DIAPH2: variants seen among roughly 807,000 people sequenced by gnomAD.
DIAPH2 encodes diaphanous related formin 2.
In DIAPH2, 35 loss-of-function variants were observed where a neutral mutation model predicts 92.7. The observed-to-expected ratio is 0.38, with a 90% CI of 0.29 to 0.50. DIAPH2 has a LOEUF of 0.50. DIAPH2 is among the 20% of genes least tolerant of loss of function. DIAPH2 has a pLI of 0.94. For missense variants in DIAPH2, 701 were observed against 819.5 expected, an observed-to-expected ratio of 0.86 and a Z score of 1.77; for synonymous variants, 301 against 280.4, an observed-to-expected ratio of 1.07 and a Z score of -0.73.
intron 1 of DIAPH2, among the ~76,000 whole-genome samples, chrX:96,690,143 A>G (rs778479965): frequency 1.8e-5 from 2 of 111,200 alleles, no homozygotes; most frequent in East Asian, 5.7e-4. Context: ...GTCAGAGCCT[A>G]AACTTCCAAG....
chrX:97,494,008 G>T (rs2070741632), intron 26 of DIAPH2, among the ~76,000 whole-genome samples: 1 of 109,152 alleles, frequency 9.2e-6, no homozygotes, highest in Non-Finnish European at 1.9e-5. Context: ...CTTGAGGTCA[G>T]GAGTTTGAGA....
intron 22 of DIAPH2, among the ~76,000 whole-genome samples, chrX:97,170,600 A>G (rs2067445102): frequency 9.0e-6 from 1 of 111,565 alleles, no homozygotes; most frequent in African/African-American, 3.3e-5. Context: ...TGGTAATAAG[A>G]AGTATTTTCT....
rs2069255305 is a variant in DIAPH2 at position 97,355,316 on chromosome X, A to ATT, written c.3009+7040_3009+7041dup. Among the ~76,000 whole-genome samples the ATT allele has an allele frequency of 2.7e-5, 3 of 110,500 alleles. No homozygotes were observed. The South Asian group carries it at 1.2e-3, about 44-fold the overall frequency. ...TTTACCTTTAAAGAAATGAGGGTGAATTTTTACATGAAAGGATTGTGTATA... is the reference window on the plus strand; with the variant it reads ...TTTACCTTTAAAGAAATGAGGGTGAATTTTTTTACATGAAAGGATTGTGTATA... On this transcript the variant is annotated intron_variant, in intron 24 of 26. Transcript: ENST00000324765.
intron 5 of DIAPH2, among the ~76,000 whole-genome samples, chrX:96,882,466 C>A (rs1320921835): frequency 1.8e-5 from 2 of 110,898 alleles, no homozygotes; most frequent in Non-Finnish European, 3.8e-5. Context: ...ATTATTTTAA[C>A]CAGTAAAAGA....
chrX:96,715,054 A>G (rs922377950), intron 1 of DIAPH2, among the ~76,000 whole-genome samples: 1 of 112,334 alleles, frequency 8.9e-6, no homozygotes, highest in Non-Finnish European at 1.9e-5. Context: ...AAAAATTGTT[A>G]TTATTAAGCA....
At chrX:97,185,456 T>C (rs867960409) in intron 22 of DIAPH2, among the ~76,000 whole-genome samples, 2 of 37,824 alleles carry the variant, frequency 5.3e-5, no homozygotes, top group African/African-American at 4.4e-4. Context: ...TATGTGTGTG[T>C]ATATATATAT....
intron 4 of DIAPH2, among the ~76,000 whole-genome samples, chrX:96,837,427 CTCTCTCTG>C (rs1167360179): frequency 1.4e-3 from 58 of 40,029 alleles, no homozygotes; most frequent in African/African-American, 2.0e-3. Flanking sequence ...CTCTCTCTCT[CTCTCTCTG>C]TGTGTGTGTG....
chrX:96,776,059 G>C (rs981492115), intron 4 of DIAPH2, among the ~76,000 whole-genome samples: 3 of 111,411 alleles, frequency 2.7e-5, no homozygotes, highest in African/African-American at 9.8e-5. Context: ...GTCTTCTAAG[G>C]TAGCCCCTAG....
intron 17 of DIAPH2, among the ~76,000 whole-genome samples, chrX:97,009,282 C>T (rs897348977): frequency 8.1e-5 from 9 of 111,236 alleles, no homozygotes; most frequent in African/African-American, 2.6e-4. Context: ...AGGCAGCTTG[C>T]GGTGAATGCC....
intron 23 of DIAPH2, among the ~76,000 whole-genome samples, chrX:97,278,629 A>G (rs182239229): frequency 8.0e-5 from 9 of 112,127 alleles, no homozygotes; most frequent in Non-Finnish European, 1.3e-4. Context: ...AGGCTCTTCC[A>G]TGTCATTTTG....
chrX:97,402,612 A>C (rs757796359), intron 25 of DIAPH2, among the ~76,000 whole-genome samples: 37 of 111,750 alleles, frequency 3.3e-4, no homozygotes, highest in Non-Finnish European at 7.0e-4. Context: ...ATCTGAAGCT[A>C]CTATTTCAAT....
chrX:96,897,574 T>C, intron 5 of DIAPH2, among the ~76,000 whole-genome samples: 1 of 110,831 alleles, frequency 9.0e-6, no homozygotes, highest in Non-Finnish European at 1.9e-5. Context: ...AATCAAAAAG[T>C]AAAACCCAGT....
At chrX:97,475,902 G>A (rs1179556306) in intron 26 of DIAPH2, among the ~76,000 whole-genome samples, 1 of 112,074 alleles carries the variant, frequency 8.9e-6, no homozygotes, top group African/African-American at 3.2e-5. Flanking sequence ...TAAACCTGAA[G>A]TGAACAACAT....
At chrX:96,803,812 G>A (rs1367093871) in intron 4 of DIAPH2, among the ~76,000 whole-genome samples, 2 of 111,813 alleles carry the variant, frequency 1.8e-5, no homozygotes, top group African/African-American at 6.5e-5. Context: ...GGCTGAGGCG[G>A]GCAGATCACA....
chrX:97,140,327 G>T (rs2067201563), intron 21 of DIAPH2, among the ~76,000 whole-genome samples: 1 of 111,570 alleles, frequency 9.0e-6, no homozygotes, highest in African/African-American at 3.2e-5. Context: ...TTCCTCTACA[G>T]CTGCTATCCT....
intron 23 of DIAPH2, among the ~76,000 whole-genome samples, chrX:97,328,837 A>G (rs753628051): frequency 1.8e-5 from 2 of 111,480 alleles, no homozygotes; most frequent in Non-Finnish European, 3.8e-5. Flanking sequence ...CTAGTACATT[A>G]GTATTTTTAT....
chrX:96,882,320 A>G (rs1602591326), intron 5 of DIAPH2, among the ~76,000 whole-genome samples: 1 of 111,053 alleles, frequency 9.0e-6, no homozygotes, highest in South Asian at 3.8e-4. Flanking sequence ...AAGTGCTGGG[A>G]TTACAGGTGT....
In DIAPH2 at chrX:97,031,931, A is replaced by C. The variant is rs772797912; in HGVS notation, c.2051-41010A>C. ...CTAGACACAATGAGAGTACACATTG[A>C]GGCATGTGTTAAGGTTTGAGAAACT... On this transcript the variant is annotated intron_variant, in intron 17 of 26. Transcript: ENST00000324765. Among the ~76,000 whole-genome samples the C allele has an allele frequency of 3.6e-5, 4 of 111,883 alleles. No homozygotes were observed. In the South Asian group the frequency reaches 1.5e-3, roughly 42 times the overall value.
chrX:97,246,568 C>T (rs370746981), intron 22 of DIAPH2, among the ~76,000 whole-genome samples: 3 of 112,061 alleles, frequency 2.7e-5, no homozygotes, highest in African/African-American at 9.7e-5. Flanking sequence ...GGTGATTTCT[C>T]CTCATTGAGT....
Sources: allele counts gnomAD v4.1 joint callset (sites outside exome capture counted in the v4.1 genomes callset), GRCh38; gene constraint gnomAD v4.1.1; transcripts MANE v1.5; gene names NCBI Gene and HGNC (gene_info 2026-07-23, HGNC 2026-07-21).